PRKX: variants seen among roughly 807,000 people sequenced by gnomAD.
PRKX encodes protein kinase cAMP-dependent X-linked catalytic subunit.
A neutral mutation model predicts 22.0 loss-of-function variants in PRKX; 12 were observed. The ratio of observed to expected loss-of-function variants is 0.54; its 90% confidence interval spans 0.35 to 0.88. PRKX has a LOEUF of 0.88. PRKX is among the 40% of genes least tolerant of loss of function. The pLI is 0.01. For synonymous variants in PRKX, 134 were observed against 137.7 expected, an observed-to-expected ratio of 0.97 and a Z score of 0.19; for missense variants, 217 against 308.0, an observed-to-expected ratio of 0.70 and a Z score of 2.21.
intron 2 of PRKX, among the ~76,000 whole-genome samples, chrX:3,666,912 A>T (rs59090687): frequency 0.015 from 234 of 15,333 alleles, 3 homozygotes; most frequent in South Asian, 0.075. Context: ...CATTTCTTTT[A>T]AAAAAAAAAA....
chrX:3,631,944 G>T (rs1002841477), intron 4 of PRKX, among the ~76,000 whole-genome samples: 6 of 112,281 alleles, frequency 5.3e-5, no homozygotes, highest in Admixed American at 2.8e-4. Flanking sequence ...AGCAGCGTCA[G>T]GACATTCATA....
At position 3,608,578 on chromosome X, in the gene PRKX, TACACACACACACACACACACAC is replaced by T. The variant is rs57960952; in HGVS notation, c.*369_*390del. 8 of 94,529 alleles carry T rather than the reference TACACACACACACACACACACAC, an allele frequency of 8.5e-5. No individual in the cohort carries two copies. Among genetic ancestry groups the T allele is most frequent in the Admixed American group, 1.2e-4 (1 of 8,062 alleles). The allele number at this position is 94,529 out of a possible 1,213,427, so 7.8% of individuals were successfully genotyped here. ...TGACTTCTATATATACACACAGGCA[TACACACACACACACACACACAC>T]ACACACACACACACACACACACAAT... is the stretch of plus-strand genomic sequence containing the variant. On this transcript the variant is annotated 3_prime_UTR_variant, in exon 9 of 9. Coordinates refer to ENST00000262848, the MANE Select transcript of PRKX (RefSeq NM_005044.5).
Position 3,647,937 on chromosome X carries a change from G to C in PRKX, c.600-5966C>G, listed in dbSNP as rs1208472465. ...TTCTACTTTCTGTCCTTATGATTTG[G>C]AAGAATCTAGGGCCCTCCTACAAGT... On this transcript the variant is annotated intron_variant, in intron 3 of 8. Coordinates refer to ENST00000262848, the MANE Select transcript of PRKX (RefSeq NM_005044.5). 2.7e-5 allele frequency among the ~76,000 whole-genome samples: 3 copies of C among 110,927 alleles called. No homozygotes were observed. The East Asian group carries it at 8.4e-4, about 31-fold the overall frequency.
intron 1 of PRKX, among the ~76,000 whole-genome samples, chrX:3,688,706 A>G (rs1326992090): frequency 9.1e-6 from 1 of 109,966 alleles, no homozygotes; most frequent in African/African-American, 3.3e-5. Flanking sequence ...ATAAAAAAAA[A>G]AAATTTTTTT....
chrX:3,636,220 G>A (rs1926884067), intron 4 of PRKX, among the ~76,000 whole-genome samples: 1 of 112,301 alleles, frequency 8.9e-6, no homozygotes, highest in African/African-American at 3.2e-5. Context: ...CCTGCTAAGA[G>A]TGGGAATCCA....
In PRKX at chrX:3,606,914, T is replaced by A. The variant is rs1299146154; in HGVS notation, c.*2055A>T. ...TTTGTTCTGTATGGCTGGAGGCTGA[T>A]CACGACGTCTGTAAAGAACAAGGTC... On this transcript the variant is annotated 3_prime_UTR_variant, in exon 9 of 9. Transcript: ENST00000262848. 9.0e-6 allele frequency: 1 copy of A among 111,731 alleles called. No homozygotes were observed. The highest frequency in any genetic ancestry group is 1.9e-5 in the Non-Finnish European group (1 of 53,235). The allele number at this position is 111,731 out of a possible 1,213,427, so 9.2% of individuals were successfully genotyped here. A position where few individuals can be genotyped will look rare whatever the true frequency, so the allele number is the denominator to read the frequency against.
At chrX:3,672,028 T>C (rs1927857049) in intron 2 of PRKX, among the ~76,000 whole-genome samples, 1 of 110,853 alleles carries the variant, frequency 9.0e-6, no homozygotes, top group Non-Finnish European at 1.9e-5. Context: ...TTTTAAAAAT[T>C]AAAAATAAAT....
chrX:3,621,156 C>A, intron 6 of PRKX, 103 bp downstream of exon 6: 1 of 661,531 alleles, frequency 1.5e-6, no homozygotes, highest in Non-Finnish European at 2.3e-6. Flanking sequence ...TGATTAAATA[C>A]GACCGCTAAG....
intron 6 of PRKX, 73 bp from the exon 7 acceptor site, chrX:3,615,965 A>G (rs1435404790): frequency 2.2e-6 from 2 of 903,287 alleles, no homozygotes; most frequent in Non-Finnish European, 3.2e-6. Flanking sequence ...ACCCCAAAGA[A>G]TCTCTACATT....
chrX:3,689,599 G>A (rs1406941465), intron 1 of PRKX, among the ~76,000 whole-genome samples: 1 of 112,020 alleles, frequency 8.9e-6, no homozygotes, highest in Non-Finnish European at 1.9e-5. Context: ...AGGATCACTT[G>A]AGCCCAGGAG....
intron 2 of PRKX, among the ~76,000 whole-genome samples, chrX:3,666,263 T>A (rs1927727778): frequency 9.3e-6 from 1 of 107,324 alleles, no homozygotes; most frequent in Non-Finnish European, 1.9e-5. Context: ...CATGCCGTTC[T>A]CCTGCCTCAG....
chrX:3,684,010 C>T lies in PRKX; in HGVS notation c.167-9244G>A, dbSNP rs780517917. 1.0e-3 allele frequency among the ~76,000 whole-genome samples: 116 copies of T among 111,465 alleles called. 1 individual carries two copies. The highest frequency in any genetic ancestry group is 3.6e-3 in the African/African-American group (109 of 30,657). On this transcript the variant is annotated intron_variant, in intron 1 of 8. Coordinates refer to ENST00000262848, the MANE Select transcript of PRKX (RefSeq NM_005044.5). ...GCTCACACCTGTAATCCCAGCACTT[C>T]GGGAGGCCAAGGCAGGTGGATCACA...
Position 3,608,689 on chromosome X carries a change from GACATCAC to G in PRKX, c.*273_*279del, listed in dbSNP as rs1452025836. The G allele has an allele frequency of 9.1e-6, 1 of 109,460 alleles. No individual in the cohort carries two copies. The highest frequency in any genetic ancestry group is 1.9e-5 in the Non-Finnish European group (1 of 52,776). 9.0% of individuals were successfully genotyped at this position (109,460 alleles called of 1,213,427 possible). On this transcript the variant is annotated 3_prime_UTR_variant, in exon 9 of 9. Transcript: ENST00000262848. ...AACTTAAGTCTATGACAAAAACCAAGACATCACAGTAGGAACACAACACTAAAGGATA... is the reference window on the plus strand; with the variant it reads ...AACTTAAGTCTATGACAAAAACCAAGAGTAGGAACACAACACTAAAGGATA...
intron 5 of PRKX, among the ~76,000 whole-genome samples, chrX:3,626,159 C>T (rs1296092828): frequency 8.9e-6 from 1 of 112,214 alleles, no homozygotes; most frequent in Non-Finnish European, 1.9e-5. Flanking sequence ...ATGACAAACT[C>T]GTTCATTGGC....
intron 3 of PRKX, among the ~76,000 whole-genome samples, chrX:3,652,294 C>T (rs757242837): frequency 7.0e-4 from 77 of 109,984 alleles, no homozygotes; most frequent in Non-Finnish European, 1.1e-3. Context: ...GGCGGGCGCC[C>T]GTAGTCCCAG....
intron 1 of PRKX, among the ~76,000 whole-genome samples, chrX:3,689,850 G>GC (rs1928279677): frequency 9.0e-6 from 1 of 111,211 alleles, no homozygotes; most frequent in Non-Finnish European, 1.9e-5. Flanking sequence ...GGTGGCGGAA[G>GC]CCTGTAGTCC....
chrX:3,701,361 C>T (rs1603474858), intron 1 of PRKX, among the ~76,000 whole-genome samples: 1 of 112,436 alleles, frequency 8.9e-6, no homozygotes, highest in East Asian at 2.8e-4. Context: ...CCTCCTTGAC[C>T]TCCCAAAGCA....
chrX:3,698,833 C>T (rs1336314433), intron 1 of PRKX, among the ~76,000 whole-genome samples: 12 of 108,694 alleles, frequency 1.1e-4, no homozygotes, highest in African/African-American at 3.0e-4. Flanking sequence ...TCAAGTGATC[C>T]GCCCACCTCA....
chrX:3,640,261 T>C (rs1927049104), intron 4 of PRKX, among the ~76,000 whole-genome samples: 2 of 109,570 alleles, frequency 1.8e-5, no homozygotes, highest in South Asian at 7.9e-4. Flanking sequence ...CCCCAACCGG[T>C]GTTCTGGGCC....
Sources: gnomAD v4.1 joint callset for allele counts (sites outside exome capture counted in the v4.1 genomes callset) on GRCh38, gnomAD v4.1.1 for gene constraint, MANE v1.5 for transcripts, NCBI Gene and HGNC (gene_info 2026-07-23, HGNC 2026-07-21) for gene names.